Variants in STK3 observed in about 807,000 individuals in gnomAD.
The protein encoded by STK3 is serine/threonine kinase 3.
In STK3, 41 loss-of-function variants were observed where a neutral mutation model predicts 58.0. The ratio of observed to expected loss-of-function variants is 0.71; its 90% CI spans 0.55 to 0.92. The LOEUF (loss-of-function observed/expected upper bound fraction) is 0.92. Among genes scored for constraint, STK3 ranks in the 40% least tolerant of loss-of-function variants. STK3 has a pLI of 0.00. For missense variants in STK3, 479 were observed against 602.7 expected (o/e 0.79, Z 2.15); for synonymous variants, 170 against 191.0 (o/e 0.89, Z 0.91).
chr8:98,584,593 T>G (rs1310935035), intron 7 of STK3, among the ~76,000 whole-genome samples: 4 of 149,568 alleles, frequency 2.7e-5, no homozygotes, highest in African/African-American at 9.8e-5. Context: ...GCATGATTTA[T>G]AGTCCTTTGG....
At chr8:98,554,365 G>A (rs922592479) in intron 8 of STK3, among the ~76,000 whole-genome samples, 7 of 152,074 alleles carry the variant, frequency 4.6e-5, no homozygotes, top group Non-Finnish European at 8.8e-5. Context: ...ATCCTTGTGA[G>A]ATTCAATGCT....
At position 98,586,909 on chromosome 8, in the gene STK3, T is replaced by C. The variant is rs187970106; in HGVS notation, c.823-7120A>G. ...TAGAGGTGTTTGTAGTATTCTCGGA[T>C]GGTAGTTTGTATTTCTGTGGGATCG... On this transcript the variant is annotated intron_variant, in intron 7 of 10. Coordinates refer to ENST00000419617, the MANE Select transcript of STK3 (RefSeq NM_006281.4). Among the ~76,000 whole-genome samples, 980 of 152,018 alleles carry C rather than the reference T, an allele frequency of 6.4e-3. 10 individuals carry two copies. The highest frequency in any genetic ancestry group is 0.023 in the African/African-American group (948 of 41,246).
chr8:98,624,842 G>A (rs757885419), intron 6 of STK3, among the ~76,000 whole-genome samples: 1 of 151,730 alleles, frequency 6.6e-6, no homozygotes, highest in African/African-American at 2.4e-5. Flanking sequence ...CAAAAAGAGT[G>A]GAACTCTGTC....
At chr8:98,735,573 C>G (rs542228099) in intron 4 of STK3, among the ~76,000 whole-genome samples, 3 of 152,096 alleles carry the variant, frequency 2.0e-5, no homozygotes, top group South Asian at 2.1e-4. Context: ...GAATACTAAT[C>G]TTACAGTGAT....
intron 3 of STK3, among the ~76,000 whole-genome samples, chr8:98,847,591 T>C (rs546675909): frequency 2.0e-5 from 3 of 152,256 alleles, no homozygotes; most frequent in South Asian, 2.1e-4. Context: ...AGTGGTTGTC[T>C]TTAGTAGCAG....
chr8:98,779,815 A>T (rs1294363483), intron 1 of STK3, among the ~76,000 whole-genome samples: 1 of 152,168 alleles, frequency 6.6e-6, no homozygotes, highest in Non-Finnish European at 1.5e-5. Context: ...GCTTATGGAC[A>T]TCCAGGTTCT....
chr8:98,486,810 G>A (rs1822299881), intron 10 of STK3, among the ~76,000 whole-genome samples: 2 of 152,326 alleles, frequency 1.3e-5, no homozygotes, highest in South Asian at 4.1e-4. Context: ...AATGTAATGA[G>A]TTCCAGGTGT....
At chr8:98,374,155 A>C (rs143582059) in intron 2 of STK3, among the ~76,000 whole-genome samples, 57 of 152,354 alleles carry the variant, frequency 3.7e-4, no homozygotes, top group African/African-American at 1.2e-3. Flanking sequence ...AACGTTTTAC[A>C]GGTTTTAGAA....
intron 3 of STK3, among the ~76,000 whole-genome samples, chr8:98,867,703 T>C (rs1837196121): frequency 6.6e-6 from 1 of 152,240 alleles, no homozygotes; most frequent in Non-Finnish European, 1.5e-5. Context: ...CTCAGCTTCA[T>C]TGCTTACCAA....
chr8:98,860,829 C>A (rs1836905878), intron 3 of STK3, among the ~76,000 whole-genome samples: 2 of 152,030 alleles, frequency 1.3e-5, no homozygotes, highest in Non-Finnish European at 2.9e-5. Flanking sequence ...CCGAGGTGGG[C>A]AGACACCTTG....
At chr8:98,932,756 C>T (rs576554649) in intron 1 of STK3, among the ~76,000 whole-genome samples, 5 of 152,280 alleles carry the variant, frequency 3.3e-5, no homozygotes, top group East Asian at 1.9e-4. Context: ...AGCCATACTT[C>T]GAAAAGTTAG....
intron 3 of STK3, among the ~76,000 whole-genome samples, chr8:98,867,674 T>A (rs922279324): frequency 2.7e-4 from 41 of 152,304 alleles, no homozygotes; most frequent in African/African-American, 9.6e-4. Context: ...TCTCTGGAGC[T>A]ACCCTAACTG....
At chr8:98,860,821 G>A (rs1022655115) in intron 3 of STK3, among the ~76,000 whole-genome samples, 3 of 152,110 alleles carry the variant, frequency 2.0e-5, no homozygotes, top group Admixed American at 6.6e-5. Context: ...TTAGGAGGCC[G>A]AGGTGGGCAG....
At chr8:98,730,710 C>T (rs930037417) in intron 4 of STK3, among the ~76,000 whole-genome samples, 2 of 121,538 alleles carry the variant, frequency 1.6e-5, no homozygotes, top group African/African-American at 6.6e-5. Flanking sequence ...GGCAAGACTC[C>T]GTCTCAAAAA....
chr8:98,629,814 C>G (rs747255760), intron 6 of STK3, among the ~76,000 whole-genome samples: 8 of 152,128 alleles, frequency 5.3e-5, no homozygotes, highest in Non-Finnish European at 8.8e-5. Context: ...AGCAAACTAC[C>G]CCTCCTTGAG....
In STK3 at chr8:98,900,275, C is replaced by T. The variant is rs542782345; in HGVS notation, c.-78-16441G>A. Among the ~76,000 whole-genome samples, 76 of 152,272 alleles carry T rather than the reference C, an allele frequency of 5.0e-4. 1 individual carries two copies. Among genetic ancestry groups the T allele is most frequent in the African/African-American group, 1.5e-3 (64 of 41,548 alleles). On this transcript the variant is annotated intron_variant, in intron 1 of 1. Coordinates refer to the STK3 transcript ENST00000519420. ...TTTTTTTAGTAGAGACAGGGTTTCACCATGTTGGCCAGCCAGGCTGGTCTC... is the reference window on the plus strand; with the variant it reads ...TTTTTTTAGTAGAGACAGGGTTTCATCATGTTGGCCAGCCAGGCTGGTCTC...
intron 1 of STK3, among the ~76,000 whole-genome samples, chr8:98,776,107 TCA>T (rs1753118705): frequency 6.6e-6 from 1 of 152,204 alleles, no homozygotes; most frequent in African/African-American, 2.4e-5. Flanking sequence ...TGATGAAACA[TCA>T]CAGTTTAGTG....
intron 10 of STK3, among the ~76,000 whole-genome samples, chr8:98,474,707 C>T (rs1821178582): frequency 6.6e-6 from 1 of 152,162 alleles, no homozygotes; most frequent in African/African-American, 2.4e-5. Context: ...TAAATGTCAT[C>T]TTCATAAAGT....
the STK3 span, among the ~76,000 whole-genome samples, chr8:98,345,127 C>T: frequency 6.6e-6 from 1 of 151,800 alleles, no homozygotes; most frequent in African/African-American, 2.4e-5. Flanking sequence ...GGAAATAGGC[C>T]ATTTTAGCTT....
Sources: allele counts gnomAD v4.1 joint callset (sites outside exome capture counted in the v4.1 genomes callset), GRCh38; gene constraint gnomAD v4.1.1; transcripts MANE v1.5; gene names NCBI Gene and HGNC (gene_info 2026-07-23, HGNC 2026-07-21).